The following CFAP90 variants were observed in gnomAD, a reference collection of about 807,000 sequenced individuals.
The protein encoded by CFAP90 is cilia and flagella associated protein 90, also known as cilia- and flagella-associated protein 90.
At chr5:7,846,535 A>C in the CFAP90 span, among the ~76,000 whole-genome samples, 1 of 152,122 alleles carries the variant, frequency 6.6e-6, no homozygotes, top group Non-Finnish European at 1.5e-5. Flanking sequence ...CTCTTTAACA[A>C]GGGTGATAAT....
the CFAP90 span, among the ~76,000 whole-genome samples, chr5:7,837,314 C>G: frequency 1.3e-5 from 2 of 152,132 alleles, no homozygotes; most frequent in Non-Finnish European, 2.9e-5. Flanking sequence ...CCTTGTAGGT[C>G]AGGCTTGTCA....
chr5:7,850,722 C>T, the CFAP90 span, among the ~76,000 whole-genome samples: 1 of 150,904 alleles, frequency 6.6e-6, no homozygotes, highest in Non-Finnish European at 1.5e-5. Flanking sequence ...GGGAGAGCCC[C>T]GCCCCAAGAC....
the CFAP90 span, chr5:7,851,127 C>G: frequency 8.3e-7 from 1 of 1,205,118 alleles, no homozygotes; most frequent in Non-Finnish European, 1.0e-6. Context: ...GCGTCTAGCC[C>G]GCGTCTGTGT....
the CFAP90 span, chr5:7,832,131 G>T: frequency 1.7e-6 from 2 of 1,207,264 alleles, no homozygotes; most frequent in South Asian, 1.4e-5. Context: ...TTTCTGCCTG[G>T]GTCCCACCAT....
chr5:7,838,337 AAC>A, the CFAP90 span, among the ~76,000 whole-genome samples: 1 of 152,258 alleles, frequency 6.6e-6, no homozygotes, highest in Non-Finnish European at 1.5e-5. Context: ...CTTTAAAAAA[AAC>A]ATTTTAAGAC....
the CFAP90 span, among the ~76,000 whole-genome samples, chr5:7,834,406 A>G: frequency 6.6e-6 from 1 of 152,244 alleles, no homozygotes; most frequent in Non-Finnish European, 1.5e-5. Context: ...CAAAAGAGTC[A>G]TAAAAGTTTT....
At chr5:7,832,595 C>A in the CFAP90 span, among the ~76,000 whole-genome samples, 1 of 152,184 alleles carries the variant, frequency 6.6e-6, no homozygotes. Context: ...TCAAGCAATT[C>A]TCCTGCCTCA....
chr5:7,850,668 C>T, the CFAP90 span, among the ~76,000 whole-genome samples: 2 of 145,104 alleles, frequency 1.4e-5, no homozygotes, highest in African/African-American at 2.6e-5. Context: ...CGCCCCCAGG[C>T]CCCTTTCCCT....
At chr5:7,831,732 T>A in the CFAP90 span, 2 of 1,001,606 alleles carry the variant, frequency 2.0e-6, no homozygotes, top group African/African-American at 1.6e-5. Context: ...AACACAGGCA[T>A]AGCCAAGCTC....
chr5:7,830,423 CT>C, the CFAP90 span: 1 of 152,128 alleles, frequency 6.6e-6, no homozygotes, highest in African/African-American at 2.4e-5. Flanking sequence ...GATGCCTTGT[CT>C]TTGTTGAAAT....
chr5:7,831,809 C>T, the CFAP90 span: 1 of 1,574,888 alleles, frequency 6.3e-7, no homozygotes, highest in Admixed American at 1.7e-5. Flanking sequence ...ACTTGCCAGG[C>T]CACAGGGTAT....
chr5:7,841,847 A>C, the CFAP90 span, among the ~76,000 whole-genome samples: 10 of 152,180 alleles, frequency 6.6e-5, no homozygotes, highest in African/African-American at 2.4e-4. Flanking sequence ...GTGGGAAGAG[A>C]GAGAAGATCA....
the CFAP90 span, chr5:7,831,727 A>G: frequency 3.2e-6 from 3 of 934,838 alleles, no homozygotes; most frequent in South Asian, 4.9e-5. Context: ...GATGCAACAC[A>G]GGCATAGCCA....
the CFAP90 span, among the ~76,000 whole-genome samples, chr5:7,845,792 G>A: frequency 6.6e-6 from 1 of 151,946 alleles, no homozygotes; most frequent in African/African-American, 2.4e-5. Context: ...CATTTTTGCT[G>A]GCAGCTTTAG....
At chr5:7,831,824 C>A in the CFAP90 span, 21 of 1,596,156 alleles carry the variant, frequency 1.3e-5, no homozygotes, top group South Asian at 2.3e-4. Flanking sequence ...GGGTATCGGA[C>A]ATGCCCTGTG....
the CFAP90 span, among the ~76,000 whole-genome samples, chr5:7,843,247 G>A: frequency 1.3e-5 from 2 of 152,280 alleles, no homozygotes; most frequent in South Asian, 4.1e-4. Context: ...GCTTAATGAG[G>A]ACATTTTTAT....
chr5:7,840,476 A>G, the CFAP90 span, among the ~76,000 whole-genome samples: 2 of 152,250 alleles, frequency 1.3e-5, no homozygotes, highest in Non-Finnish European at 2.9e-5. Flanking sequence ...CCCATTAGTT[A>G]TGAACCACAG....
chr5:7,831,680 G>T, the CFAP90 span: 1 of 592,360 alleles, frequency 1.7e-6, no homozygotes, highest in Non-Finnish European at 2.9e-6. Context: ...AGCAACCTGA[G>T]GGGGGCTGCT....
the CFAP90 span, among the ~76,000 whole-genome samples, chr5:7,834,590 G>A: frequency 8.5e-5 from 13 of 152,152 alleles, no homozygotes; most frequent in East Asian, 2.5e-3. Flanking sequence ...CTCACTCCCT[G>A]ACTCACCCAG....
Sources: allele counts gnomAD v4.1 joint callset (sites outside exome capture counted in the v4.1 genomes callset), GRCh38; gene constraint gnomAD v4.1.1; transcripts MANE v1.5; gene names NCBI Gene and HGNC (gene_info 2026-07-23, HGNC 2026-07-21).